The following ITSN1 variants were observed in gnomAD, a reference collection of about 807,000 sequenced individuals.
The protein encoded by ITSN1 is intersectin 1.
In ITSN1, 58 loss-of-function variants were observed where a neutral mutation model predicts 239.8. That is an observed-to-expected ratio of 0.24 (90% CI 0.20 to 0.30). The LOEUF is 0.30. ITSN1 is among the 10% of genes least tolerant of loss of function. The pLI is 1.00. For missense variants in ITSN1, 1,558 were observed against 2,103.3 expected, an observed-to-expected ratio of 0.74 and a Z score of 5.07; for synonymous variants, 780 against 770.8, an observed-to-expected ratio of 1.01 and a Z score of -0.20.
At chr21:33,653,545 CAG>C (rs2088748426) in intron 1 of ITSN1, among the ~76,000 whole-genome samples, 1 of 151,772 alleles carries the variant, frequency 6.6e-6, no homozygotes, top group Non-Finnish European at 1.5e-5. Flanking sequence ...TTTTTTGAGA[CAG>C]AGTCTCGCTC....
intron 29 of ITSN1, among the ~76,000 whole-genome samples, chr21:33,852,184 C>T (rs893739228): frequency 6.6e-6 from 1 of 152,156 alleles, no homozygotes; most frequent in Non-Finnish European, 1.5e-5. Context: ...CTTATTTCTG[C>T]GTCTCTTGGA....
chr21:33,669,642 T>C (rs8132700), intron 1 of ITSN1, among the ~76,000 whole-genome samples: 6,381 of 151,676 alleles, frequency 0.042, 456 homozygotes, highest in African/African-American at 0.15. Flanking sequence ...GGGGTTTCAC[T>C]ATATTGGCCA....
chr21:33,766,957 C>T (rs565055505), intron 10 of ITSN1, among the ~76,000 whole-genome samples: 1 of 152,104 alleles, frequency 6.6e-6, no homozygotes, highest in Non-Finnish European at 1.5e-5. Context: ...CACTTGAGGT[C>T]AGGAGTTTGA....
At chr21:33,796,848 A>T (rs929886365) in intron 17 of ITSN1, among the ~76,000 whole-genome samples, 7 of 152,232 alleles carry the variant, frequency 4.6e-5, no homozygotes, top group African/African-American at 1.7e-4. Context: ...TGTGGGTTTC[A>T]GGTTGAGGCC....
chr21:33,762,945 T>C (rs2068456715), intron 9 of ITSN1, among the ~76,000 whole-genome samples: 1 of 151,068 alleles, frequency 6.6e-6, no homozygotes, highest in Admixed American at 6.6e-5. Context: ...ATTCCGGGGG[T>C]GAGCACTGCG....
intron 2 of ITSN1, among the ~76,000 whole-genome samples, chr21:33,719,883 T>C (rs2065380131): frequency 6.6e-6 from 1 of 152,236 alleles, no homozygotes; most frequent in African/African-American, 2.4e-5. Context: ...TTAACAAAAA[T>C]ACTTATTAAA....
At chr21:33,811,303 T>G in intron 21 of ITSN1, 81 bp downstream of exon 21, 1 of 1,350,772 alleles carries the variant, frequency 7.4e-7, no homozygotes, top group Non-Finnish European at 1.0e-6. Flanking sequence ...AGTATTTTCA[T>G]AGTCTTGGAT....
intron 22 of ITSN1, among the ~76,000 whole-genome samples, chr21:33,816,368 ACTTC>A (rs2073269287): frequency 6.6e-6 from 1 of 152,114 alleles, no homozygotes; most frequent in African/African-American, 2.4e-5. Context: ...ATCTTACTAA[ACTTC>A]CTTCCCCCTC....
chr21:33,749,217 T>G (rs191334617), intron 5 of ITSN1, among the ~76,000 whole-genome samples: 1 of 152,288 alleles, frequency 6.6e-6, no homozygotes, highest in Admixed American at 6.5e-5. Context: ...TTTGGACTCC[T>G]GCCCTCAAGA....
At chr21:33,760,786 C>T (rs2834259) in intron 8 of ITSN1, among the ~76,000 whole-genome samples, 47,155 of 152,004 alleles carry the variant, frequency 0.31, 7,717 homozygotes, top group East Asian at 0.55. Flanking sequence ...AGAATCTTCC[C>T]AACAAAATTG....
chr21:33,713,497 C>G (rs1425540633), intron 1 of ITSN1, among the ~76,000 whole-genome samples: 1 of 144,438 alleles, frequency 6.9e-6, no homozygotes. Flanking sequence ...TTGCCTCGGC[C>G]TCCCAGAGTG....
At position 33,882,893 on chromosome 21, in the gene ITSN1, T is replaced by G. The variant is rs1042810528; in HGVS notation, c.4554+438T>G. Among the ~76,000 whole-genome samples, 8 of 152,228 alleles carry G rather than the reference T, an allele frequency of 5.3e-5. No individual in the cohort carries two copies. The highest frequency in any genetic ancestry group is 1.9e-4 in the African/African-American group (8 of 41,460). On this transcript the variant is annotated intron_variant, in intron 35 of 39. Coordinates refer to ENST00000381318, the MANE Select transcript of ITSN1 (RefSeq NM_003024.3). This position sits in a 1 kb window ranked among gnomAD's most constrained non-coding sequence, Gnocchi z 4.5. The stretch of plus-strand genomic sequence containing the variant: ...GCCCCCTCCTTTCTAGCAAAGTCTC[T>G]CTAAACAGTTGATACGTGGAGAATT...
At chr21:33,701,527 G>A (rs1568973175) in intron 1 of ITSN1, among the ~76,000 whole-genome samples, 4 of 151,816 alleles carry the variant, frequency 2.6e-5, no homozygotes, top group South Asian at 4.2e-4. Flanking sequence ...GCATGGTGAC[G>A]CACGCCTGTA....
intron 1 of ITSN1, among the ~76,000 whole-genome samples, chr21:33,677,423 C>G (rs1383419349): frequency 2.0e-5 from 3 of 151,726 alleles, no homozygotes; most frequent in African/African-American, 7.3e-5. Flanking sequence ...CACTGCAAGC[C>G]TCGCCTCCCT....
Position 33,861,991 on chromosome 21 carries a change from T to TAAAAAA in ITSN1, c.3891-3142_3891-3137dup, listed in dbSNP as rs776558259. Among the ~76,000 whole-genome samples the TAAAAAA allele has an allele frequency of 5.5e-4, 32 of 58,182 alleles. 2 individuals are homozygous for TAAAAAA. Among genetic ancestry groups the TAAAAAA allele is most frequent in the East Asian group, 2.4e-3 (4 of 1,648 alleles). 38.2% of individuals were successfully genotyped at this position (58,182 alleles called of 152,430 possible). ...AATAAAAAAGAAACGTCATCTCTAC[T>TAAAAAA]AAAAAAAAAAAAAAAAAAAAAAAGA... On this transcript the variant is annotated intron_variant, in intron 31 of 39. Coordinates refer to ENST00000381318, the MANE Select transcript of ITSN1 (RefSeq NM_003024.3).
chr21:33,714,556 T>A (rs1426529640), intron 1 of ITSN1, among the ~76,000 whole-genome samples: 1 of 152,206 alleles, frequency 6.6e-6, no homozygotes, highest in Non-Finnish European at 1.5e-5. Context: ...TCATAAGAGT[T>A]ATATTTATGT....
chr21:33,856,761 T>G lies in ITSN1; in HGVS notation c.3687T>G (p.Asp1229Glu). The change falls in exon 30 of 40, where the codon GAT (aspartate) becomes GAG (glutamate). Residue 1229 changes from aspartate (D) to glutamate (E), a missense_variant. Physicochemically the swap from Asp to Glu is conservative, Grantham distance 45 (BLOSUM62 2). Coordinates refer to ENST00000381318, the MANE Select transcript of ITSN1 (RefSeq NM_003024.3). The part of the protein sequence containing the change: ...QQWCSDLHLL[D>E]MLTPTERKRQ... The stretch of plus-strand genomic sequence containing the variant: ...GGTGTTCAGACTTACATCTCTTGGA[T>G]ATGTTGACCCCAACTGAAAGAAAGC... 6.2e-7 allele frequency: 1 copy of G among 1,614,076 alleles called. No individual in the cohort carries two copies. The highest frequency in any genetic ancestry group is 8.5e-7 in the Non-Finnish European group (1 of 1,179,976).
At chr21:33,655,027 T>C (rs1012036262) in intron 1 of ITSN1, among the ~76,000 whole-genome samples, 20 of 152,316 alleles carry the variant, frequency 1.3e-4, no homozygotes, top group South Asian at 4.1e-4. Context: ...TTTTTTTTTT[T>C]CACTATGTCT....
intron 34 of ITSN1, 29 bp downstream of exon 34, chr21:33,875,550 C>A (rs772261622): frequency 6.2e-7 from 1 of 1,604,040 alleles, no homozygotes; most frequent in Non-Finnish European, 8.5e-7. Context: ...GGGCCCTGGT[C>A]TCCCCCGGCA....
Sources: allele counts gnomAD v4.1 joint callset (sites outside exome capture counted in the v4.1 genomes callset), GRCh38; gene constraint gnomAD v4.1.1; non-coding constraint Gnocchi (gnomAD v3.1); transcripts MANE v1.5; gene names NCBI Gene and HGNC (gene_info 2026-07-23, HGNC 2026-07-21).